LOC400499: variants seen among roughly 807,000 people sequenced by gnomAD.
chr16:11,436,126 G>C, the LOC400499 span, among the ~76,000 whole-genome samples: 2 of 152,194 alleles, frequency 1.3e-5, no homozygotes, highest in South Asian at 4.1e-4. Context: ...ATGTGAAATG[G>C]GAGTTCTTAC....
chr16:11,456,770 TG>T, the LOC400499 span: 1 of 1,427,382 alleles, frequency 7.0e-7, no homozygotes, highest in Non-Finnish European at 9.5e-7. Context: ...AAGGAAAAGG[TG>T]TTCCAGGAAG....
At chr16:11,407,306 A>G in the LOC400499 span, 1 of 398,654 alleles carries the variant, frequency 2.5e-6, no homozygotes. Flanking sequence ...CAAGGCGAAC[A>G]TGCTCTGAAC....
chr16:11,505,476 AAG>A, the LOC400499 span, among the ~76,000 whole-genome samples: 55 of 112,130 alleles, frequency 4.9e-4, no homozygotes, highest in Non-Finnish European at 6.8e-4. Context: ...TTTTTTGGAG[AAG>A]AGTCTCACTC....
the LOC400499 span, among the ~76,000 whole-genome samples, chr16:11,479,763 G>C: frequency 6.6e-6 from 1 of 152,030 alleles, no homozygotes; most frequent in East Asian, 1.9e-4. Context: ...ACCAACACTG[G>C]TATGTTTCTA....
At chr16:11,485,801 T>C in the LOC400499 span, among the ~76,000 whole-genome samples, 1 of 152,204 alleles carries the variant, frequency 6.6e-6, no homozygotes, top group South Asian at 2.1e-4. Flanking sequence ...CCCTTGGCAA[T>C]GACTGGTGAG....
At chr16:11,456,802 G>C in the LOC400499 span, 3 of 1,520,962 alleles carry the variant, frequency 2.0e-6, no homozygotes, top group African/African-American at 4.1e-5. Context: ...TTGAGCAAAG[G>C]CCTGGAGATC....
At chr16:11,414,267 C>T in the LOC400499 span, 3,407 of 399,068 alleles carry the variant, frequency 8.5e-3, 98 homozygotes, top group African/African-American at 0.064. Flanking sequence ...CTGCACACAG[C>T]GGGTCCTCTG....
chr16:11,450,993 G>A, the LOC400499 span, among the ~76,000 whole-genome samples: 2 of 152,214 alleles, frequency 1.3e-5, no homozygotes, highest in Non-Finnish European at 2.9e-5. Context: ...ACTCATGACA[G>A]GTGTTTGGAT....
At chr16:11,483,994 C>CT in the LOC400499 span, among the ~76,000 whole-genome samples, 27 of 34,858 alleles carry the variant, frequency 7.7e-4, 2 homozygotes, top group African/African-American at 9.1e-4. Flanking sequence ...GAGGAAGGGA[C>CT]TTTTTTTTTT....
At chr16:11,433,307 A>G in the LOC400499 span, among the ~76,000 whole-genome samples, 1 of 152,196 alleles carries the variant, frequency 6.6e-6, no homozygotes, top group Admixed American at 6.5e-5. Context: ...ATGGACAGAC[A>G]GCTGTGGTGG....
chr16:11,493,653 G>T, the LOC400499 span: 1 of 397,428 alleles, frequency 2.5e-6, no homozygotes, highest in Non-Finnish European at 4.4e-6. Flanking sequence ...CGTCTGCAGA[G>T]CAGGGGACCC....
At chr16:11,519,079 A>G in the LOC400499 span, 1 of 397,104 alleles carries the variant, frequency 2.5e-6, no homozygotes, top group Non-Finnish European at 4.4e-6. Context: ...ACATGAACCC[A>G]TGTTGGGGGC....
the LOC400499 span, among the ~76,000 whole-genome samples, chr16:11,430,519 C>A: frequency 1.3e-5 from 2 of 151,924 alleles, no homozygotes; most frequent in Non-Finnish European, 2.9e-5. Flanking sequence ...AAAGAATTAT[C>A]ATGTCTGCAA....
the LOC400499 span, among the ~76,000 whole-genome samples, chr16:11,464,587 T>C: frequency 6.6e-6 from 1 of 152,186 alleles, no homozygotes; most frequent in Non-Finnish European, 1.5e-5. Context: ...AAGTTGAACA[T>C]AAGCTCTGGG....
the LOC400499 span, chr16:11,392,309 C>T: frequency 2.5e-6 from 1 of 398,984 alleles, no homozygotes; most frequent in Non-Finnish European, 4.4e-6. Flanking sequence ...CAGCCCAGGC[C>T]CTCTCACCTC....
chr16:11,464,256 G>A, the LOC400499 span, among the ~76,000 whole-genome samples: 1 of 152,186 alleles, frequency 6.6e-6, no homozygotes, highest in African/African-American at 2.4e-5. Context: ...AGAAACAGAT[G>A]CTCGCTCTCC....
the LOC400499 span, among the ~76,000 whole-genome samples, chr16:11,456,473 G>C: frequency 3.6e-4 from 55 of 152,328 alleles, 1 homozygote; most frequent in East Asian, 0.01. Context: ...AACGAGCAAG[G>C]GGGAGAGTGG....
At chr16:11,444,814 G>A in the LOC400499 span, among the ~76,000 whole-genome samples, 1 of 152,232 alleles carries the variant, frequency 6.6e-6, no homozygotes, top group East Asian at 1.9e-4. Context: ...AGGTACGGTG[G>A]TTCACACCTA....
the LOC400499 span, among the ~76,000 whole-genome samples, chr16:11,382,571 G>A: frequency 5.4e-4 from 81 of 149,908 alleles, no homozygotes; most frequent in African/African-American, 2.0e-3. Flanking sequence ...GAAGTCATCT[G>A]CTGTGTTGAT....
Sources: allele counts gnomAD v4.1 joint callset (sites outside exome capture counted in the v4.1 genomes callset), GRCh38; gene constraint gnomAD v4.1.1; transcripts MANE v1.5.